The following FRYL variants were observed in gnomAD, a reference collection of about 807,000 sequenced individuals.
The protein encoded by FRYL is protein furry homolog-like.
FRYL carries 150 observed loss-of-function variants against 351.2 expected under a neutral mutation model. The observed-to-expected ratio is 0.43, with a 90% CI of 0.37 to 0.49. The LOEUF is 0.49. Ranked by LOEUF, FRYL falls within the 20% of genes least tolerant of loss-of-function variation. FRYL has a pLI of 0.00. For missense variants in FRYL, 3,036 were observed against 3,619.3 expected (o/e 0.84, Z 4.13); for synonymous variants, 1,153 against 1,257.1 (o/e 0.92, Z 1.75).
chr4:48,521,531 A>C (rs745620199), intron 54 of FRYL, among the ~76,000 whole-genome samples: 1 of 152,238 alleles, frequency 6.6e-6, no homozygotes, highest in Non-Finnish European at 1.5e-5. Flanking sequence ...TCATTCATGG[A>C]GGACGAAGAT....
intron 13 of FRYL, among the ~76,000 whole-genome samples, chr4:48,601,601 A>T (rs1745711036): frequency 6.6e-6 from 1 of 152,120 alleles, no homozygotes; most frequent in Non-Finnish European, 1.5e-5. Flanking sequence ...GGCATACTTA[A>T]ATGTGATTTT....
intron 2 of FRYL, among the ~76,000 whole-genome samples, chr4:48,688,591 T>C (rs1484334692): frequency 6.6e-6 from 1 of 152,080 alleles, no homozygotes; most frequent in Non-Finnish European, 1.5e-5. Flanking sequence ...TCACTTTTTC[T>C]CTTGACAAAT....
At chr4:48,742,226 G>T (rs1242415989) in intron 1 of FRYL, among the ~76,000 whole-genome samples, 1 of 152,142 alleles carries the variant, frequency 6.6e-6, no homozygotes, top group Non-Finnish European at 1.5e-5. Flanking sequence ...TACTTTATAT[G>T]TTGTGCACCT....
At chr4:48,585,272 C>T (rs191894107) in intron 19 of FRYL, among the ~76,000 whole-genome samples, 1 of 152,052 alleles carries the variant, frequency 6.6e-6, no homozygotes, top group Non-Finnish European at 1.5e-5. Flanking sequence ...GGAGACTGTG[C>T]GAAGGGAACA....
chr4:48,597,100 T>A (rs1204596011), intron 13 of FRYL, among the ~76,000 whole-genome samples: 2 of 152,138 alleles, frequency 1.3e-5, no homozygotes, highest in African/African-American at 4.8e-5. Flanking sequence ...ATTATGTTTG[T>A]TAGTAATGTA....
Position 48,540,559 on chromosome 4 carries a change from A to C in FRYL, c.6089T>G (p.Leu2030Arg). 6.2e-7 allele frequency: 1 copy of C among 1,614,052 alleles called. No homozygotes were observed. The highest frequency in any genetic ancestry group is 8.5e-7 in the Non-Finnish European group (1 of 1,179,948). ...LLALRLLNKL[L>R]IHLPLDKSES... ...TGATTTATCCAAAGGCAAATGGATAAGCAGTTTGTTGAGAAGCCTGAGAGC... is the reference window on the plus strand; with the variant it reads ...TGATTTATCCAAAGGCAAATGGATACGCAGTTTGTTGAGAAGCCTGAGAGC... Residue 2030 changes from leucine to arginine, a missense_variant, in exon 46 of 64, where the codon CTT becomes CGT. Around this residue, in one of 7 missense-constraint regions of FRYL, gnomAD observed 1,987 missense variants for 2,311.7 expected, o/e 0.86. Transcript: ENST00000358350.
intron 53 of FRYL, among the ~76,000 whole-genome samples, chr4:48,524,968 C>T (rs1725689603): frequency 1.3e-5 from 2 of 151,062 alleles, no homozygotes; most frequent in African/African-American, 2.4e-5. Flanking sequence ...TATTCCACTC[C>T]GTTACTTGGT....
intron 47 of FRYL, 83 bp downstream of exon 47, chr4:48,539,888 T>G (rs1729773683): frequency 2.0e-6 from 2 of 983,478 alleles, no homozygotes; most frequent in African/African-American, 1.6e-5. Context: ...ATAAAAGGAG[T>G]TTTAAGAGAT....
At chr4:48,662,186 T>C (rs1417218326) in intron 3 of FRYL, among the ~76,000 whole-genome samples, 1 of 152,118 alleles carries the variant, frequency 6.6e-6, no homozygotes, top group Non-Finnish European at 1.5e-5. Flanking sequence ...ACACGTGTAA[T>C]CCCCAACACT....
chr4:48,507,370 C>CA (rs1721351797), intron 59 of FRYL, among the ~76,000 whole-genome samples: 1 of 152,196 alleles, frequency 6.6e-6, no homozygotes, highest in African/African-American at 2.4e-5. Flanking sequence ...GTCTTCCTGT[C>CA]ACGGCATTTT....
intron 1 of FRYL, among the ~76,000 whole-genome samples, chr4:48,772,146 A>C (rs1041176040): frequency 6.6e-6 from 1 of 152,220 alleles, no homozygotes; most frequent in Non-Finnish European, 1.5e-5. Context: ...ATGTATATGT[A>C]CCATCTTTTA....
chr4:48,733,701 T>TC (rs762807937), intron 1 of FRYL, among the ~76,000 whole-genome samples: 3 of 152,146 alleles, frequency 2.0e-5, no homozygotes, highest in Non-Finnish European at 4.4e-5. Flanking sequence ...GTGACATGTA[T>TC]CAGCAATGAT....
chr4:48,518,715 C>T (rs1724208109), intron 55 of FRYL, among the ~76,000 whole-genome samples: 1 of 152,150 alleles, frequency 6.6e-6, no homozygotes, highest in African/African-American at 2.4e-5. Context: ...GGAACCTTCT[C>T]CCTCCAAATC....
chr4:48,771,938 C>A (rs1210531932), intron 1 of FRYL, among the ~76,000 whole-genome samples: 2 of 152,104 alleles, frequency 1.3e-5, no homozygotes, highest in Non-Finnish European at 2.9e-5. Context: ...GCAAATCAAC[C>A]CCCAAAAGCA....
rs531927960 is a variant in FRYL, at chr4:48,750,691, C to T, written c.-384+29387G>A. ...GAAAGAGAAGAGTTACGGATAATTG[C>T]AAGATTTTTGGCCCAAGCAACTAGA... On this transcript the variant is annotated intron_variant, in intron 1 of 63. Coordinates refer to ENST00000358350, the MANE Select transcript of FRYL (RefSeq NM_015030.2). 5.9e-5 allele frequency among the ~76,000 whole-genome samples: 9 copies of T among 152,176 alleles called. No individual in the cohort carries two copies. The South Asian group carries it at 1.9e-3, about 32-fold the overall frequency.
intron 3 of FRYL, among the ~76,000 whole-genome samples, chr4:48,680,718 T>C (rs1578704057): frequency 1.3e-5 from 2 of 152,274 alleles, no homozygotes; most frequent in East Asian, 3.9e-4. Flanking sequence ...ATTATAGTTT[T>C]ATCTTGACTT....
intron 3 of FRYL, among the ~76,000 whole-genome samples, chr4:48,648,121 T>C (rs1756908107): frequency 6.6e-6 from 1 of 152,174 alleles, no homozygotes; most frequent in Non-Finnish European, 1.5e-5. Context: ...GTTTGCTAAA[T>C]AAATAACATT....
chr4:48,697,268 T>C (rs1296948054), intron 2 of FRYL, among the ~76,000 whole-genome samples: 2 of 152,152 alleles, frequency 1.3e-5, no homozygotes, highest in Non-Finnish European at 2.9e-5. Context: ...ACCTAAAATT[T>C]CCATTCTTTT....
intron 37 of FRYL, 77 bp downstream of exon 37, chr4:48,551,417 C>T (rs1732720398): frequency 6.3e-6 from 5 of 787,842 alleles, no homozygotes; most frequent in Admixed American, 2.6e-5. Context: ...CATTTCAATG[C>T]AGAAAATATC....
Sources: allele counts gnomAD v4.1 joint callset (sites outside exome capture counted in the v4.1 genomes callset), GRCh38; gene constraint gnomAD v4.1.1; regional missense constraint gnomAD v4.1.1; transcripts MANE v1.5; gene names NCBI Gene and HGNC (gene_info 2026-07-23, HGNC 2026-07-21).